Variants in SEL1L2 observed in about 807,000 individuals in gnomAD.
SEL1L2 encodes the protein SEL1L2 adaptor subunit of SYVN1 ubiquitin ligase.
In SEL1L2, 89 loss-of-function variants were observed where a neutral mutation model predicts 98.8. That is an observed-to-expected ratio of 0.90 (90% CI 0.76 to 1.07). The LOEUF (loss-of-function observed/expected upper bound fraction) is 1.07. SEL1L2 is among the 50% of genes least tolerant of loss of function. The probability of loss-of-function intolerance (pLI) is 0.00; values close to 1 mark genes in which losing one functional copy is unlikely to be tolerated. For missense variants in SEL1L2, 788 were observed against 812.0 expected, an observed-to-expected ratio of 0.97 and a Z score of 0.36; for synonymous variants, 262 against 278.5, an observed-to-expected ratio of 0.94 and a Z score of 0.59.
chr20:13,934,871 A>G (rs984245518), intron 2 of SEL1L2, among the ~76,000 whole-genome samples: 3 of 151,920 alleles, frequency 2.0e-5, no homozygotes, highest in East Asian at 1.9e-4. Flanking sequence ...GCCACCTTCT[A>G]TTAGCCCCAC....
chr20:13,959,404 T>G (rs769328146), intron 1 of SEL1L2, among the ~76,000 whole-genome samples: 1 of 152,066 alleles, frequency 6.6e-6, no homozygotes, highest in Non-Finnish European at 1.5e-5. Context: ...TGAATCCCAG[T>G]GAAACCATGA....
intron 3 of SEL1L2, among the ~76,000 whole-genome samples, chr20:13,921,053 G>A (rs2048645291): frequency 6.6e-6 from 1 of 152,122 alleles, no homozygotes; most frequent in African/African-American, 2.4e-5. Context: ...CTTTTAGAGA[G>A]TGAAAATAAA....
intron 1 of SEL1L2, among the ~76,000 whole-genome samples, chr20:13,974,569 C>A (rs962044102): frequency 6.8e-6 from 1 of 147,676 alleles, no homozygotes; most frequent in Non-Finnish European, 1.5e-5. Context: ...ACCTCCGCCT[C>A]CTGTGTTCAA....
intron 2 of SEL1L2, among the ~76,000 whole-genome samples, chr20:13,936,524 A>G (rs143087710): frequency 2.0e-5 from 3 of 152,290 alleles, no homozygotes; most frequent in African/African-American, 7.2e-5. Flanking sequence ...GCCCACCTGT[A>G]CCAGTGACTC....
At chr20:13,985,071 A>G (rs1463999000) in intron 1 of SEL1L2, among the ~76,000 whole-genome samples, 1 of 152,108 alleles carries the variant, frequency 6.6e-6, no homozygotes, top group African/African-American at 2.4e-5. Flanking sequence ...ATACTGTTGT[A>G]TCAGTTTAAC....
At chr20:13,931,860 G>T in intron 2 of SEL1L2, 89 bp from the exon 3 acceptor site, 4 of 1,111,396 alleles carry the variant, frequency 3.6e-6, no homozygotes, top group South Asian at 3.7e-5. Flanking sequence ...ATATATTCAT[G>T]GCAAAAATAC....
intron 1 of SEL1L2, among the ~76,000 whole-genome samples, chr20:13,964,049 T>G (rs2050910992): frequency 6.6e-6 from 1 of 151,930 alleles, no homozygotes; most frequent in Non-Finnish European, 1.5e-5. Context: ...TTTTTTTTTG[T>G]ATTTTTCTTA....
chr20:13,934,447 A>C (rs1011622806), intron 2 of SEL1L2, among the ~76,000 whole-genome samples: 2 of 6,780 alleles, frequency 2.9e-4, no homozygotes, highest in African/African-American at 4.4e-4. Context: ...TATATATTCC[A>C]TATATATATA....
chr20:13,946,680 T>C (rs1040628314), intron 2 of SEL1L2, among the ~76,000 whole-genome samples: 5 of 152,220 alleles, frequency 3.3e-5, no homozygotes, highest in Non-Finnish European at 5.9e-5. Context: ...GGCACAGCTG[T>C]AGCCGCCCAG....
At chr20:13,918,869 A>G in intron 4 of SEL1L2, 152 bp downstream of exon 4, 1 of 590,582 alleles carries the variant, frequency 1.7e-6, no homozygotes, top group Non-Finnish European at 3.0e-6. Flanking sequence ...GGATTCTTTA[A>G]ACACAATTTG....
At chr20:13,949,133 T>G (rs981767399) in intron 2 of SEL1L2, among the ~76,000 whole-genome samples, 1 of 152,170 alleles carries the variant, frequency 6.6e-6, no homozygotes, top group South Asian at 2.1e-4. Flanking sequence ...GAGAAAATAT[T>G]TGCAAATTAG....
chr20:13,866,930 T>A, intron 14 of SEL1L2, 80 bp from the exon 15 acceptor site: 1 of 1,292,786 alleles, frequency 7.7e-7, no homozygotes, highest in South Asian at 2.0e-5. Context: ...ATAGTCATAG[T>A]GATGCCTGCT....
At chr20:13,907,735 TTTCTTTCTTTC>T (rs2048013198) in intron 5 of SEL1L2, among the ~76,000 whole-genome samples, 1 of 126,716 alleles carries the variant, frequency 7.9e-6, no homozygotes, top group Non-Finnish European at 1.6e-5. Context: ...TCTTTCTTTC[TTTCTTTCTTTC>T]TTTTCTTTTC....
At chr20:13,881,490 C>G (rs1483144780) in intron 10 of SEL1L2, among the ~76,000 whole-genome samples, 1 of 152,170 alleles carries the variant, frequency 6.6e-6, no homozygotes, top group East Asian at 1.9e-4. Context: ...AATATTCACC[C>G]AAACATCCCG....
At chr20:13,902,543 C>T (rs976071942) in intron 5 of SEL1L2, among the ~76,000 whole-genome samples, 2 of 152,218 alleles carry the variant, frequency 1.3e-5, no homozygotes, top group African/African-American at 4.8e-5. Context: ...CAGCTTTAGC[C>T]GGTGGGAGCC....
intron 12 of SEL1L2, among the ~76,000 whole-genome samples, chr20:13,872,196 A>G (rs2046235233): frequency 6.6e-6 from 1 of 152,206 alleles, no homozygotes; most frequent in Admixed American, 6.5e-5. Flanking sequence ...AGTAAGGATC[A>G]GTGTGATGGA....
In SEL1L2 at chr20:13,919,021, T is replaced by G; in HGVS notation, c.386A>C (p.Glu129Ala). The G allele has an allele frequency of 6.2e-7, 1 of 1,604,086 alleles. No homozygotes were observed. The highest frequency in any genetic ancestry group is 1.1e-5 in the South Asian group (1 of 90,220). Residue 129 changes from glutamate (E) to alanine (A), a missense_variant and splice_region_variant, in exon 4 of 20, where the codon GAA becomes GCA. Physicochemically the swap from Glu to Ala is moderately radical, Grantham distance 107. Coordinates refer to ENST00000284951, the MANE Select transcript of SEL1L2 (RefSeq NM_025229.2). ...CTAAGGTCACTGGATAAAGACTTAC[T>G]CTTCTTTTTGTTTTTGGCTTTTAGA... ...QQSKSQKQKE[E>A]AYLLFAKAAD...
At chr20:13,945,416 C>T (rs1025040951) in intron 2 of SEL1L2, among the ~76,000 whole-genome samples, 6 of 151,622 alleles carry the variant, frequency 4.0e-5, no homozygotes, top group South Asian at 2.1e-4. Flanking sequence ...TTTCTCTCTC[C>T]CTTTCTCTCT....
At chr20:13,955,143 A>C in intron 2 of SEL1L2, among the ~76,000 whole-genome samples, 1 of 152,210 alleles carries the variant, frequency 6.6e-6, no homozygotes, top group Non-Finnish European at 1.5e-5. Context: ...AATGAACACC[A>C]CAAACAAAAC....
Sources: gnomAD v4.1 joint callset for allele counts (sites outside exome capture counted in the v4.1 genomes callset) on GRCh38, gnomAD v4.1.1 for gene constraint, MANE v1.5 for transcripts, NCBI Gene and HGNC (gene_info 2026-07-23, HGNC 2026-07-21) for gene names.